Variants in TDRD12 observed in about 807,000 individuals in gnomAD.
TDRD12 encodes tudor domain containing 12.
In TDRD12, 158 loss-of-function variants were observed where a neutral mutation model predicts 133.5. The ratio of observed to expected loss-of-function variants is 1.18; its 90% CI spans 1.04 to 1.35. The LOEUF (loss-of-function observed/expected upper bound fraction) is 1.35, where lower values mean the gene tolerates loss of function less well. TDRD12 is among the 40% of genes most tolerant of loss of function. The pLI, the probability that TDRD12 is intolerant of heterozygous loss-of-function variation, is 0.00. For synonymous variants in TDRD12, 460 were observed against 477.9 expected, an observed-to-expected ratio of 0.96 and a Z score of 0.49; for missense variants, 1,443 against 1,321.3, an observed-to-expected ratio of 1.09 and a Z score of -1.43.
chr19:32,746,277 G>A (rs1338273659), intron 4 of TDRD12, among the ~76,000 whole-genome samples: 1 of 142,976 alleles, frequency 7.0e-6, no homozygotes, highest in Non-Finnish European at 1.5e-5. Flanking sequence ...AGAGAGTCTG[G>A]CTGATGTGGT....
downstream of TDRD12, among the ~76,000 whole-genome samples, chr19:32,821,830 T>C (rs536035293): frequency 1.8e-4 from 27 of 152,376 alleles, no homozygotes; most frequent in African/African-American, 6.3e-4. Context: ...TCACTTTTAT[T>C]GCACAGCGCC....
At chr19:32,723,227 T>G (rs1968745258) in intron 1 of TDRD12, among the ~76,000 whole-genome samples, 1 of 152,082 alleles carries the variant, frequency 6.6e-6, no homozygotes, top group African/African-American at 2.4e-5. Context: ...CCACACTGTC[T>G]TATTACTGTA....
At chr19:32,767,092 T>TTTTATTTATTTA (rs138456502) in intron 8 of TDRD12, among the ~76,000 whole-genome samples, 5 of 137,460 alleles carry the variant, frequency 3.6e-5, no homozygotes, top group Non-Finnish European at 7.8e-5. Flanking sequence ...TTTTCATGCA[T>TTTTATTTATTTA]TTTATTTATT....
chr19:32,786,940 T>C (rs992860589), intron 11 of TDRD12, among the ~76,000 whole-genome samples: 8 of 152,168 alleles, frequency 5.3e-5, no homozygotes, highest in Non-Finnish European at 2.9e-5. Flanking sequence ...CTCATCAAAC[T>C]CATTCTCCAT....
At chr19:32,779,703 G>A (rs145234739) in intron 11 of TDRD12, among the ~76,000 whole-genome samples, 18 of 152,284 alleles carry the variant, frequency 1.2e-4, no homozygotes, top group African/African-American at 4.3e-4. Context: ...CGCCCAGCCC[G>A]TGGAAATATG....
chr19:32,730,701 TTAGG>T (rs35971584), intron 1 of TDRD12, among the ~76,000 whole-genome samples: 26,704 of 151,696 alleles, frequency 0.18, 2,434 homozygotes, highest in African/African-American at 0.21. Context: ...CTAGGCAGAG[TTAGG>T]TAATACTTTT....
At chr19:32,821,486 C>A (rs1381765594), downstream of TDRD12, among the ~76,000 whole-genome samples, 2 of 152,050 alleles carry the variant, frequency 1.3e-5, no homozygotes, top group African/African-American at 4.8e-5. Flanking sequence ...ACCCTCCTGA[C>A]TGACCATTCT....
intron 2 of TDRD12, among the ~76,000 whole-genome samples, chr19:32,735,663 C>T (rs1482183141): frequency 6.6e-6 from 1 of 152,188 alleles, no homozygotes. Flanking sequence ...TCTTCTAGGA[C>T]TTCCAGAGCT....
chr19:32,826,340 G>GGAT, exon 8 of TDRD12: 1 of 1,328,000 alleles, frequency 7.5e-7, no homozygotes, highest in Non-Finnish European at 9.6e-7. Flanking sequence ...AGTATTTAAG[G>GGAT]GATAGAGTCG....
chr19:32,808,993 G>A (rs1966907516), intron 22 of TDRD12, among the ~76,000 whole-genome samples: 1 of 152,010 alleles, frequency 6.6e-6, no homozygotes, highest in South Asian at 2.1e-4. Flanking sequence ...CTTCATATCG[G>A]ATTTGACCTT....
downstream of TDRD12, among the ~76,000 whole-genome samples, chr19:32,822,790 AAGG>A (rs1967449102): frequency 6.6e-6 from 1 of 151,534 alleles, no homozygotes; most frequent in African/African-American, 2.4e-5. Context: ...CCCCTTGTGG[AAGG>A]AGAATTCAGT....
chr19:32,773,599 G>A, intron 10 of TDRD12, 67 bp downstream of exon 10: 1 of 1,393,214 alleles, frequency 7.2e-7, no homozygotes, highest in Non-Finnish European at 1.0e-6. Context: ...TGGGGAGGCT[G>A]AGCTGGGGGG....
intron 27 of TDRD12, 178 bp from the exon 28 acceptor site, chr19:32,820,855 T>C (rs562371753): frequency 3.6e-5 from 21 of 586,638 alleles, no homozygotes; most frequent in African/African-American, 3.3e-4. Context: ...TTGCCCATCA[T>C]CCTTGTCGGA....
chr19:32,799,415 C>T (rs532091319), intron 16 of TDRD12, among the ~76,000 whole-genome samples: 109 of 152,338 alleles, frequency 7.2e-4, no homozygotes, highest in African/African-American at 2.4e-3. Context: ...CTCCTCCAGC[C>T]TAACTGGCCA....
chr19:32,792,048 C>G (rs1340802054), intron 13 of TDRD12, among the ~76,000 whole-genome samples: 1 of 152,074 alleles, frequency 6.6e-6, no homozygotes, highest in East Asian at 1.9e-4. Flanking sequence ...GAGTTTGAGA[C>G]CAGCCTGGCC....
chr19:32,778,209 G>T (rs1276970326), intron 11 of TDRD12, among the ~76,000 whole-genome samples: 1 of 151,918 alleles, frequency 6.6e-6, no homozygotes, highest in African/African-American at 2.4e-5. Context: ...CAGCTTCCCA[G>T]AGGCCATGCT....
At chr19:32,732,368 A>C (rs1203554635) in intron 2 of TDRD12, among the ~76,000 whole-genome samples, 1 of 152,166 alleles carries the variant, frequency 6.6e-6, no homozygotes, top group African/African-American at 2.4e-5. Context: ...GCCGCCATGT[A>C]AGGTCCATGT....
At chr19:32,727,105 T>C (rs7351070) in intron 1 of TDRD12, among the ~76,000 whole-genome samples, 74,896 of 152,038 alleles carry the variant, frequency 0.49, 18,571 homozygotes, top group Middle Eastern at 0.55. Flanking sequence ...CATTATTTTC[T>C]GTTTTAACAC....
intron 1 of TDRD12, among the ~76,000 whole-genome samples, chr19:32,729,785 T>C (rs1282878168): frequency 9.5e-5 from 11 of 115,952 alleles, no homozygotes; most frequent in African/African-American, 1.9e-4. Context: ...TTTCTTTTTT[T>C]TTTTTTTTTT....
Sources: allele counts gnomAD v4.1 joint callset (sites outside exome capture counted in the v4.1 genomes callset), GRCh38; gene constraint gnomAD v4.1.1; transcripts MANE v1.5; gene names NCBI Gene and HGNC (gene_info 2026-07-23, HGNC 2026-07-21).